Variants in CACUL1 observed in about 807,000 individuals in gnomAD.
CACUL1 encodes CDK2 associated cullin domain 1, also known as CDK2-associated and cullin domain-containing protein 1.
Under a neutral mutation model 45.2 loss-of-function variants are expected in CACUL1, and 13 were observed. That is an observed-to-expected ratio of 0.29 (90% CI 0.19 to 0.46). CACUL1 has a LOEUF of 0.46. Among genes scored for constraint, CACUL1 ranks in the 20% least tolerant of loss-of-function variants. The probability of loss-of-function intolerance (pLI) is 1.00; values close to 1 mark genes in which losing one functional copy is unlikely to be tolerated. For synonymous variants in CACUL1, 197 were observed against 174.2 expected, an observed-to-expected ratio of 1.13 and a Z score of -1.03; for missense variants, 421 against 471.4, an observed-to-expected ratio of 0.89 and a Z score of 0.99.
chr10:118,684,062 T>C lies in CACUL1; in HGVS notation c.*2066A>G, dbSNP rs1845182206. On this transcript the variant is annotated 3_prime_UTR_variant, in exon 9 of 9. Coordinates refer to ENST00000369151, the MANE Select transcript of CACUL1 (RefSeq NM_153810.5). ...CTTTACTTTGCCCACTTTTTATTAA[T>C]ACATACATAGTAAAAAGAATATATT... 6.6e-6 allele frequency: 1 copy of C among 152,658 alleles called. No individual in the cohort carries two copies. The highest frequency in any genetic ancestry group is 1.5e-5 in the Non-Finnish European group (1 of 68,028). 9.5% of individuals were successfully genotyped at this position (152,658 alleles called of 1,614,324 possible).
At chr10:118,746,622 C>T (rs1845845790) in intron 1 of CACUL1, among the ~76,000 whole-genome samples, 1 of 151,952 alleles carries the variant, frequency 6.6e-6, no homozygotes, top group Admixed American at 6.6e-5. Flanking sequence ...AACTGAAAAA[C>T]ATGTACTCTT....
rs1361889765 is a variant in CACUL1, at chr10:118,752,245, T to C, written c.367+2151A>G. Among the ~76,000 whole-genome samples, 5 of 152,294 alleles carry C rather than the reference T, an allele frequency of 3.3e-5. No individual in the cohort carries two copies. The South Asian group carries it at 1.0e-3, about 32-fold the overall frequency. The stretch of plus-strand genomic sequence containing the variant: ...AGCATCCTTATCTTGTTACGGATCT[T>C]AAAGTATATGTATCTAAAATTTCTC... On this transcript the variant is annotated intron_variant, in intron 1 of 8. Transcript: ENST00000369151.
At chr10:118,693,966 G>A (rs1224530763) in intron 6 of CACUL1, among the ~76,000 whole-genome samples, 4 of 152,190 alleles carry the variant, frequency 2.6e-5, no homozygotes, top group Admixed American at 6.5e-5. Context: ...CCAGGCTGGA[G>A]TGCAGTGGTA....
Position 118,754,790 on chromosome 10 carries a change from T to G in CACUL1, c.-28A>C. 6.5e-7 allele frequency: 1 copy of G among 1,528,220 alleles called. No homozygotes were observed. Among genetic ancestry groups the G allele is most frequent in the Non-Finnish European group, 8.8e-7 (1 of 1,142,386 alleles). 94.7% of individuals were successfully genotyped at this position (1,528,220 alleles called of 1,614,324 possible). On this transcript the variant is annotated 5_prime_UTR_variant, in exon 1 of 9. Transcript: ENST00000369151. Reference sequence around the variant, plus strand: ...TGCTGGCCCCCGGCACCCGCCCGCCTCACAGGCACCTGCCGCCTGTCTCAA... The same window carrying G: ...TGCTGGCCCCCGGCACCCGCCCGCCGCACAGGCACCTGCCGCCTGTCTCAA...
At position 118,679,843 on chromosome 10, in the gene CACUL1, A is replaced by C. The variant is rs377679937; in HGVS notation, c.*6285T>G. ...CCTAATTTAAAAAATTTTTTTGTAG[A>C]GATGGGGTTCTGTGTTACCCAGGCT... On this transcript the variant is annotated 3_prime_UTR_variant, in exon 9 of 9. Coordinates refer to ENST00000369151, the MANE Select transcript of CACUL1 (RefSeq NM_153810.5). The C allele has an allele frequency of 7.9e-5, 12 of 151,900 alleles. No homozygotes were observed. In the East Asian group the frequency reaches 1.8e-3, roughly 22 times the overall value. The allele number at this position is 151,900 out of a possible 1,614,324, so 9.4% of individuals were successfully genotyped here.
At chr10:118,692,463 C>T (rs1845281975) in intron 6 of CACUL1, 1 of 151,906 alleles carries the variant, frequency 6.6e-6, no homozygotes, top group African/African-American at 2.4e-5. Context: ...ACAGAATAGC[C>T]CTGTTAATAT....
chr10:118,724,440 C>A (rs1009925963), intron 3 of CACUL1, among the ~76,000 whole-genome samples: 3 of 152,090 alleles, frequency 2.0e-5, no homozygotes, highest in Non-Finnish European at 4.4e-5. Context: ...ATTATATGTC[C>A]ACTACCAGAC....
chr10:118,686,377 T>C (rs1303609068), intron 8 of CACUL1, among the ~76,000 whole-genome samples: 1 of 152,116 alleles, frequency 6.6e-6, no homozygotes, highest in Admixed American at 6.5e-5. Flanking sequence ...GTCATCCCAG[T>C]AGAAACTAAA....
intron 1 of CACUL1, among the ~76,000 whole-genome samples, chr10:118,732,525 A>C (rs987923415): frequency 6.6e-6 from 1 of 152,130 alleles, no homozygotes; most frequent in Admixed American, 6.5e-5. Flanking sequence ...AGGAGCAGGT[A>C]AGAAATTGTG....
intron 2 of CACUL1, 105 bp from the exon 3 acceptor site, chr10:118,729,502 T>C: frequency 1.3e-6 from 1 of 745,446 alleles, no homozygotes; most frequent in East Asian, 2.5e-5. Context: ...ATCCAATAAT[T>C]CATACCTTCA....
At chr10:118,721,486 C>G (rs184349980) in intron 3 of CACUL1, among the ~76,000 whole-genome samples, 1 of 152,228 alleles carries the variant, frequency 6.6e-6, no homozygotes, top group Non-Finnish European at 1.5e-5. Context: ...TAAATGTAAT[C>G]AGTTAACTTC....
chr10:118,698,776 G>A (rs1436399047), intron 5 of CACUL1, among the ~76,000 whole-genome samples: 2 of 152,088 alleles, frequency 1.3e-5, no homozygotes, highest in Non-Finnish European at 2.9e-5. Flanking sequence ...ATAAAAGACT[G>A]TTGTTTTAAG....
chr10:118,741,184 T>C (rs1845789833), intron 1 of CACUL1, among the ~76,000 whole-genome samples: 1 of 152,062 alleles, frequency 6.6e-6, no homozygotes, highest in Non-Finnish European at 1.5e-5. Flanking sequence ...ATTTTATGTG[T>C]CTTTTTGCAT....
intron 7 of CACUL1, among the ~76,000 whole-genome samples, chr10:118,688,310 C>T (rs993300092): frequency 1.3e-5 from 2 of 152,218 alleles, no homozygotes; most frequent in Non-Finnish European, 2.9e-5. Flanking sequence ...GAGTGTCTTC[C>T]GTTGTTATTC....
At chr10:118,708,387 G>A (rs1845453345) in intron 3 of CACUL1, among the ~76,000 whole-genome samples, 1 of 152,030 alleles carries the variant, frequency 6.6e-6, no homozygotes, top group South Asian at 2.1e-4. Context: ...CCCTTCTGTA[G>A]CTAATTATAA....
rs1431949004 is a variant in CACUL1, at chr10:118,685,840, T to A, written c.*288A>T. 1.1e-5 allele frequency: 3 copies of A among 261,052 alleles called. No individual in the cohort carries two copies. The highest frequency in any genetic ancestry group is 2.2e-5 in the Non-Finnish European group (3 of 139,460). The allele number at this position is 261,052 out of a possible 1,614,324, so 16.2% of individuals were successfully genotyped here. A position where few individuals can be genotyped will look rare whatever the true frequency, so the allele number is the denominator to read the frequency against. The stretch of plus-strand genomic sequence containing the variant: ...GCTGATTTTGGCTGTCAGATTTCAC[T>A]TAGAAATGGTCACTTTCTGAGATGC... On this transcript the variant is annotated 3_prime_UTR_variant, in exon 9 of 9. Transcript: ENST00000369151.
intron 3 of CACUL1, among the ~76,000 whole-genome samples, chr10:118,720,507 T>C (rs1845589845): frequency 6.6e-6 from 1 of 152,226 alleles, no homozygotes; most frequent in Admixed American, 6.5e-5. Flanking sequence ...TTAAAAAGAA[T>C]ACAATTCATA....
chr10:118,699,286 C>T (rs1419256698), intron 5 of CACUL1, among the ~76,000 whole-genome samples: 1 of 152,158 alleles, frequency 6.6e-6, no homozygotes, highest in Non-Finnish European at 1.5e-5. Flanking sequence ...TTCCAATTTA[C>T]CAAAGCTTAA....
At chr10:118,735,467 T>C (rs1036386059) in intron 1 of CACUL1, among the ~76,000 whole-genome samples, 2 of 152,238 alleles carry the variant, frequency 1.3e-5, no homozygotes, top group Non-Finnish European at 2.9e-5. Flanking sequence ...AACACAGACC[T>C]GCTGAATCAG....
Sources: gnomAD v4.1 joint callset for allele counts (sites outside exome capture counted in the v4.1 genomes callset) on GRCh38, gnomAD v4.1.1 for gene constraint, MANE v1.5 for transcripts, NCBI Gene and HGNC (gene_info 2026-07-23, HGNC 2026-07-21) for gene names.